Variants in SLC7A11 observed in about 807,000 individuals in gnomAD.
The protein encoded by SLC7A11 is solute carrier family 7 member 11, also known as cystine/glutamate transporter.
SLC7A11 carries 35 observed loss-of-function variants against 54.5 expected under a neutral mutation model. The ratio of observed to expected loss-of-function variants is 0.64; its 90% CI spans 0.49 to 0.85. The LOEUF (loss-of-function observed/expected upper bound fraction) is 0.85, where lower values mean the gene tolerates loss of function less well. Among genes scored for constraint, SLC7A11 ranks in the 40% least tolerant of loss-of-function variants. The pLI is 0.00. For missense variants in SLC7A11, 583 were observed against 618.1 expected (o/e 0.94, Z 0.60); for synonymous variants, 230 against 225.2 (o/e 1.02, Z -0.19).
chr4:138,237,721 A>ATT (rs1738254209), intron 1 of SLC7A11, among the ~76,000 whole-genome samples: 1 of 7,838 alleles, frequency 1.3e-4, no homozygotes, highest in Non-Finnish European at 2.6e-4. Flanking sequence ...ATATATATAT[A>ATT]TATATATATA....
At position 138,180,739 on chromosome 4, in the gene SLC7A11, T is replaced by C; in HGVS notation, c.1168A>G (p.Asn390Asp). 1.2e-6 allele frequency: 2 copies of C among 1,612,910 alleles called. No homozygotes were observed. The highest frequency in any genetic ancestry group is 2.2e-5 in the South Asian group (2 of 91,048). Residue 390 changes from asparagine to aspartate, a missense_variant, in exon 10 of 12, where the codon AAT becomes GAT. Coordinates refer to ENST00000280612, the MANE Select transcript of SLC7A11 (RefSeq NM_014331.4). ...LFSGDLDSLL[N>D]FLSFARWLFI... ...AGCCACCTGGCAAAACTGAGGAAAT[T>C]CAAAAGACTGTCGAGGTCTCCAGAG...
chr4:138,180,692 A>G lies in SLC7A11; in HGVS notation c.1215T>C (p.Ala405=). ...ARWLFIGLAV[A]GLIYLRYKCP... is the part of the protein sequence containing the mutation. ...ATTTGTATCGAAGATAAATCAGCCC[A>G]GCAACTGCCAGCCCAATAAAAAGCC... Residue 405 remains alanine (A), a synonymous_variant, in exon 10 of 12, where the codon GCT becomes GCC. Coordinates refer to ENST00000280612, the MANE Select transcript of SLC7A11 (RefSeq NM_014331.4). 1 of 1,613,064 alleles carries G rather than the reference A, an allele frequency of 6.2e-7. No homozygotes were observed. Among genetic ancestry groups the G allele is most frequent in the Non-Finnish European group, 8.5e-7 (1 of 1,179,438 alleles).
intron 6 of SLC7A11, among the ~76,000 whole-genome samples, chr4:138,187,096 G>GT (rs1381342150): frequency 6.6e-6 from 1 of 152,158 alleles, no homozygotes; most frequent in African/African-American, 2.4e-5. Context: ...GCAGAAAGAA[G>GT]TAAGTCTGAA....
Position 138,171,370 on chromosome 4 carries a change from A to G in SLC7A11, c.*586T>C, listed in dbSNP as rs1016533645. 3.9e-5 allele frequency: 6 copies of G among 152,342 alleles called. No homozygotes were observed. The highest frequency in any genetic ancestry group is 2.1e-4 in the South Asian group (1 of 4,826). The allele number at this position is 152,342 out of a possible 1,614,324, so 9.4% of individuals were successfully genotyped here. On this transcript the variant is annotated 3_prime_UTR_variant, in exon 12 of 12. Coordinates refer to ENST00000280612, the MANE Select transcript of SLC7A11 (RefSeq NM_014331.4). ...TAGAAACTCTTCTTTAATGTATTCA[A>G]CAATCCCCACTGACCTTTGTTCAAA...
chr4:138,221,106 G>A lies in SLC7A11; in HGVS notation c.647-1741C>T, dbSNP rs112820731. On this transcript the variant is annotated intron_variant, in intron 4 of 11. Coordinates refer to ENST00000280612, the MANE Select transcript of SLC7A11 (RefSeq NM_014331.4). ...TAATCTGTGGTCTCTTTGGCATAAA[G>A]GCACAATATTTCTTAGAGTGCAGCA... is the stretch of plus-strand genomic sequence containing the variant. Among the ~76,000 whole-genome samples, 1,465 of 152,136 alleles carry A rather than the reference G, an allele frequency of 9.6e-3. 40 individuals are homozygous for A. Among genetic ancestry groups the A allele is most frequent in the African/African-American group, 0.033 (1,380 of 41,508 alleles).
intron 3 of SLC7A11, among the ~76,000 whole-genome samples, chr4:138,224,815 AAAGGAAGGAAGG>A (rs138629758): frequency 0.024 from 3,251 of 135,920 alleles, 103 homozygotes; most frequent in African/African-American, 0.073. Flanking sequence ...AGGAAGGATG[AAAGGAAGGAAGG>A]AAGGAAGGAA....
At chr4:138,216,386 G>GA (rs1455429255) in intron 5 of SLC7A11, among the ~76,000 whole-genome samples, 6 of 151,650 alleles carry the variant, frequency 4.0e-5, no homozygotes, top group Admixed American at 3.3e-4. Context: ...TCACACAATT[G>GA]AAAAAAAAGA....
chr4:138,188,563 T>G (rs1487193222), intron 6 of SLC7A11, among the ~76,000 whole-genome samples: 1 of 152,198 alleles, frequency 6.6e-6, no homozygotes, highest in African/African-American at 2.4e-5. Flanking sequence ...CACAGTTAAC[T>G]CTAGGTTTCA....
rs185505809 is a variant in SLC7A11 at position 138,235,693 on chromosome 4, G to A, written c.404+632C>T. On this transcript the variant is annotated intron_variant, in intron 2 of 11. Transcript: ENST00000280612. The stretch of plus-strand genomic sequence containing the variant: ...AAAGTCGAAGGAAATTTGCTATTCA[G>A]AGTGACTTAGCACTATTCAGTGTGA... 2.2e-3 allele frequency among the ~76,000 whole-genome samples: 332 copies of A among 152,112 alleles called. 1 individual carries two copies. Among genetic ancestry groups the A allele is most frequent in the Non-Finnish European group, 3.9e-3 (267 of 68,008 alleles).
At chr4:138,191,898 G>A (rs1737020873) in intron 6 of SLC7A11, among the ~76,000 whole-genome samples, 1 of 151,888 alleles carries the variant, frequency 6.6e-6, no homozygotes, top group Non-Finnish European at 1.5e-5. Flanking sequence ...AAGTTCTAGT[G>A]TACAAAAGCA....
chr4:138,237,768 T>G (rs1405011095), intron 1 of SLC7A11, among the ~76,000 whole-genome samples: 1 of 91,946 alleles, frequency 1.1e-5, no homozygotes, highest in Non-Finnish European at 2.1e-5. Flanking sequence ...TTTTTTTTTT[T>G]GAGATGGAGT....
chr4:138,179,288 AGAGT>A lies in SLC7A11; in HGVS notation c.1369_1372del (p.Thr457Ter), dbSNP rs771275223. 2 of 1,612,812 alleles carry A rather than the reference AGAGT, an allele frequency of 1.2e-6. No individual in the cohort carries two copies. Among genetic ancestry groups the A allele is most frequent in the Non-Finnish European group, 1.7e-6 (2 of 1,179,084 alleles). ...GAGATAATACGCAGGGACTCCAGTCAGAGTGATGACGAAGCCAATCCCTGTACTA... is the reference window on the plus strand; with the variant it reads ...GAGATAATACGCAGGGACTCCAGTCAGATGACGAAGCCAATCCCTGTACTA... On this transcript the variant is annotated frameshift_variant, in exon 11 of 12. Transcript: ENST00000280612. LOFTEE classifies it high-confidence loss of function.
chr4:138,219,479 C>T lies in SLC7A11; in HGVS notation c.647-114G>A, dbSNP rs77007464. 16 of 646,002 alleles carry T rather than the reference C, an allele frequency of 2.5e-5. No individual in the cohort carries two copies. In the East Asian group the frequency reaches 3.2e-4, roughly 13 times the overall value. The allele number at this position is 646,002 out of a possible 1,614,324, so 40.0% of individuals were successfully genotyped here. ...TACTGTTGTAAGTCTAGATTTCTTA[C>T]TCTCTGTTGATTACCATCTTTATCA... is the stretch of plus-strand genomic sequence containing the variant. On this transcript the variant is annotated intron_variant, in intron 4 of 11. Coordinates refer to ENST00000280612, the MANE Select transcript of SLC7A11 (RefSeq NM_014331.4).
At chr4:138,179,425 A>T (rs747783042) in intron 10 of SLC7A11, 31 bp from the exon 11 acceptor site, 3 of 1,595,496 alleles carry the variant, frequency 1.9e-6, no homozygotes, top group Non-Finnish European at 2.6e-6. Context: ...AAGTCACTTC[A>T]AACATGTTCA....
chr4:138,198,412 G>T (rs1019387990), intron 6 of SLC7A11, among the ~76,000 whole-genome samples: 2 of 152,088 alleles, frequency 1.3e-5, no homozygotes, highest in African/African-American at 4.8e-5. Flanking sequence ...CAATATTCAT[G>T]CTCCAAAATG....
chr4:138,213,250 C>G (rs904521332), intron 6 of SLC7A11, among the ~76,000 whole-genome samples: 1 of 151,970 alleles, frequency 6.6e-6, no homozygotes, highest in African/African-American at 2.4e-5. Context: ...AATAAAATGG[C>G]CTTTCACATG....
intron 6 of SLC7A11, among the ~76,000 whole-genome samples, chr4:138,213,638 A>C (rs1378555990): frequency 6.6e-6 from 1 of 151,936 alleles, no homozygotes; most frequent in Non-Finnish European, 1.5e-5. Flanking sequence ...TATTATAAAC[A>C]ACATCTCCCT....
Position 138,236,445 on chromosome 4 carries a change from A to T in SLC7A11, c.284T>A (p.Leu95Ter). The T allele has an allele frequency of 6.2e-7, 1 of 1,603,740 alleles. No homozygotes were observed. Residue 95 changes from leucine (L) to a stop codon, truncating the protein, a stop_gained, in exon 2 of 12, where the codon TTG becomes TAG. Transcript: ENST00000280612. LOFTEE classifies it high-confidence loss of function. ...VCGVLSLFGA[L>*]SYAELGTTIK... is the part of the protein sequence containing the mutation. ...AGTTGTTCCCAATTCAGCATAAGAC[A>T]AAGCTCCTGTGAAATATTTGTCACA...
chr4:138,186,820 C>T (rs578035776), intron 6 of SLC7A11, among the ~76,000 whole-genome samples: 1 of 152,112 alleles, frequency 6.6e-6, no homozygotes, highest in South Asian at 2.1e-4. Flanking sequence ...AAGGTGTATA[C>T]ACAGCTTTTC....
Sources: gnomAD v4.1 joint callset for allele counts (sites outside exome capture counted in the v4.1 genomes callset) on GRCh38, gnomAD v4.1.1 for gene constraint, MANE v1.5 for transcripts, NCBI Gene and HGNC (gene_info 2026-07-23, HGNC 2026-07-21) for gene names.